FSTL5: variants seen among roughly 807,000 people sequenced by gnomAD.
FSTL5 encodes follistatin like 5.
Under a neutral mutation model 89.1 loss-of-function variants are expected in FSTL5, and 62 were observed. The ratio of observed to expected loss-of-function variants is 0.70; its 90% CI spans 0.57 to 0.86. FSTL5 has a LOEUF of 0.86. Ranked by LOEUF, FSTL5 falls within the 40% of genes least tolerant of loss-of-function variation. The pLI is 0.00. For synonymous variants in FSTL5, 383 were observed against 346.2 expected (o/e 1.11, Z -1.18); for missense variants, 1,057 against 1,001.6 (o/e 1.06, Z -0.75).
intron 8 of FSTL5, among the ~76,000 whole-genome samples, chr4:161,559,905 G>A (rs1477089478): frequency 1.3e-5 from 2 of 151,792 alleles, no homozygotes; most frequent in East Asian, 3.9e-4. Flanking sequence ...CCACAAACCT[G>A]TGCAGTATCT....
chr4:161,728,129 T>C (rs1739480993), intron 6 of FSTL5, among the ~76,000 whole-genome samples: 1 of 152,196 alleles, frequency 6.6e-6, no homozygotes, highest in African/African-American at 2.4e-5. Flanking sequence ...TGAGCTTGAT[T>C]CCCGGAGTAA....
intron 4 of FSTL5, among the ~76,000 whole-genome samples, chr4:161,851,083 A>G (rs556377637): frequency 6.6e-6 from 1 of 152,316 alleles, no homozygotes; most frequent in South Asian, 2.1e-4. Context: ...AAGTTTCCCC[A>G]TATCTCTAAA....
At chr4:161,923,939 G>A (rs1360431815) in intron 3 of FSTL5, among the ~76,000 whole-genome samples, 2 of 151,746 alleles carry the variant, frequency 1.3e-5, no homozygotes, top group African/African-American at 4.8e-5. Context: ...GCAATCCAAA[G>A]AAAGCTCATA....
intron 3 of FSTL5, among the ~76,000 whole-genome samples, chr4:161,986,586 T>C (rs549615299): frequency 6.6e-6 from 1 of 152,276 alleles, no homozygotes; most frequent in African/African-American, 2.4e-5. Context: ...AATATGTATA[T>C]GGATTAAATG....
At chr4:162,068,304 C>A (rs1197190528) in intron 2 of FSTL5, among the ~76,000 whole-genome samples, 1 of 152,006 alleles carries the variant, frequency 6.6e-6, no homozygotes, top group African/African-American at 2.4e-5. Context: ...CCAAACTATA[C>A]TACAAGCTAC....
chr4:161,686,346 ATTTTTTTTTT>A (rs1198667810), intron 6 of FSTL5, among the ~76,000 whole-genome samples: 1 of 12,280 alleles, frequency 8.1e-5, no homozygotes, highest in Non-Finnish European at 1.5e-4. Context: ...ATATATATAT[ATTTTTTTTTT>A]TTTTTTTTTT....
intron 15 of FSTL5, among the ~76,000 whole-genome samples, chr4:161,452,851 G>C (rs971016143): frequency 2.0e-5 from 3 of 152,118 alleles, no homozygotes; most frequent in African/African-American, 7.2e-5. Context: ...ATAAAATGAT[G>C]CTTAAAAATA....
chr4:161,738,542 CT>C (rs994034899), intron 6 of FSTL5, among the ~76,000 whole-genome samples: 21 of 151,782 alleles, frequency 1.4e-4, no homozygotes, highest in African/African-American at 5.1e-4. Context: ...ATCAGAAAAG[CT>C]GGATTAAAAA....
rs142516088 is a variant in FSTL5 at position 162,042,862 on chromosome 4, C to T, written c.127-9204G>A. Among the ~76,000 whole-genome samples the T allele has an allele frequency of 9.3e-4, 135 of 145,018 alleles. 1 individual carries two copies. The highest frequency in any genetic ancestry group is 2.9e-3 in the African/African-American group (114 of 38,920). On this transcript the variant is annotated intron_variant, in intron 2 of 15. Transcript: ENST00000306100. ...ATCACAAGAACAAAAAACCAAACACCGCATATTCTCACTCATAGGTGGGAA... is the reference window on the plus strand; with the variant it reads ...ATCACAAGAACAAAAAACCAAACACTGCATATTCTCACTCATAGGTGGGAA...
chr4:161,934,005 A>G (rs551134322), intron 3 of FSTL5, among the ~76,000 whole-genome samples: 4 of 152,094 alleles, frequency 2.6e-5, no homozygotes, highest in Admixed American at 2.6e-4. Context: ...CCATTTTTCT[A>G]TACTGACCTA....
chr4:161,504,848 A>G (rs975344408), intron 11 of FSTL5, among the ~76,000 whole-genome samples: 2 of 152,050 alleles, frequency 1.3e-5, no homozygotes, highest in Non-Finnish European at 2.9e-5. Context: ...CCTATTATAT[A>G]CAGTGGATAT....
intron 4 of FSTL5, among the ~76,000 whole-genome samples, chr4:161,820,349 T>C (rs2126849166): frequency 6.6e-6 from 1 of 152,280 alleles, no homozygotes; most frequent in African/African-American, 2.4e-5. Context: ...AGGGAATTCC[T>C]GAATTCAAAT....
intron 5 of FSTL5, among the ~76,000 whole-genome samples, chr4:161,767,821 C>A (rs2126796989): frequency 6.6e-6 from 1 of 151,924 alleles, no homozygotes; most frequent in Non-Finnish European, 1.5e-5. Flanking sequence ...TAAAAGAGAG[C>A]CACTCAGAAT....
At position 161,506,835 on chromosome 4, in the gene FSTL5, T is replaced by A. The variant is rs1037474983; in HGVS notation, c.1339+3563A>T. ...CTTTGTTGTATAATTTCACTACATT[T>A]CTATTTGTAATTTTTTTGGTTTGGT... On this transcript the variant is annotated intron_variant, in intron 11 of 15. Coordinates refer to ENST00000306100, the MANE Select transcript of FSTL5 (RefSeq NM_020116.5). 6.6e-5 allele frequency among the ~76,000 whole-genome samples: 10 copies of A among 152,314 alleles called. No individual in the cohort carries two copies. In the East Asian group the frequency reaches 1.9e-3, roughly 29 times the overall value.
intron 8 of FSTL5, among the ~76,000 whole-genome samples, chr4:161,552,053 T>C (rs1732235578): frequency 6.6e-6 from 1 of 151,954 alleles, no homozygotes; most frequent in Admixed American, 6.6e-5. Flanking sequence ...ACAGGCAACC[T>C]ACAAAATGGG....
At chr4:161,997,883 C>T (rs745708692) in intron 3 of FSTL5, among the ~76,000 whole-genome samples, 9 of 152,176 alleles carry the variant, frequency 5.9e-5, no homozygotes, top group African/African-American at 1.9e-4. Context: ...GGATTACAGG[C>T]GTGAGCCACC....
At chr4:161,477,791 T>G (rs1048317503) in intron 13 of FSTL5, among the ~76,000 whole-genome samples, 6 of 152,148 alleles carry the variant, frequency 3.9e-5, no homozygotes, top group Middle Eastern at 3.4e-3. Flanking sequence ...AATACAGGGT[T>G]AGTATAAAAC....
Position 161,619,663 on chromosome 4 carries a change from G to A in FSTL5, c.895-32088C>T, listed in dbSNP as rs1416482065. On this transcript the variant is annotated intron_variant, in intron 7 of 15. Coordinates refer to ENST00000306100, the MANE Select transcript of FSTL5 (RefSeq NM_020116.5). Reference sequence around the variant, plus strand: ...GATACCATCTCACACCAGTTAGAATGGCAATCATTAAAAAGTCAGGAAACA... The same window carrying A: ...GATACCATCTCACACCAGTTAGAATAGCAATCATTAAAAAGTCAGGAAACA... Among the ~76,000 whole-genome samples, 12 of 152,080 alleles carry A rather than the reference G, an allele frequency of 7.9e-5. 1 individual carries two copies. Among genetic ancestry groups the A allele is most frequent in the Admixed American group, 5.2e-4 (8 of 15,270 alleles).
chr4:161,900,225 G>C (rs1319979909), intron 4 of FSTL5, among the ~76,000 whole-genome samples: 1 of 151,746 alleles, frequency 6.6e-6, no homozygotes, highest in Non-Finnish European at 1.5e-5. Context: ...GAAAACCTTA[G>C]TTTTACACAG....
Sources: gnomAD v4.1 joint callset for allele counts (sites outside exome capture counted in the v4.1 genomes callset) on GRCh38, gnomAD v4.1.1 for gene constraint, MANE v1.5 for transcripts, NCBI Gene and HGNC (gene_info 2026-07-23, HGNC 2026-07-21) for gene names.